Variants in ACBD6 observed in about 807,000 individuals in gnomAD.
ACBD6 encodes the protein acyl-CoA-binding domain-containing protein 6.
ACBD6 carries 28 observed loss-of-function variants against 37.2 expected under a neutral mutation model. That is an observed-to-expected ratio of 0.75 (90% CI 0.56 to 1.03). The LOEUF (loss-of-function observed/expected upper bound fraction) is 1.03. Among genes scored for constraint, ACBD6 ranks in the 50% least tolerant of loss-of-function variants. ACBD6 has a pLI of 0.00. For synonymous variants in ACBD6, 113 were observed against 126.8 expected (o/e 0.89, Z 0.73); for missense variants, 340 against 337.4 (o/e 1.01, Z -0.06).
In ACBD6 at chr1:180,482,056, T is replaced by C. The variant is rs10914009; in HGVS notation, c.384+10213A>G. Reference sequence around the variant, plus strand: ...TAGAGAACCTCAATTTAATACCTTATAGTCAACAAAAATTAGATATGAATA... The same window carrying C: ...TAGAGAACCTCAATTTAATACCTTACAGTCAACAAAAATTAGATATGAATA... On this transcript the variant is annotated intron_variant, in intron 3 of 7. Transcript: ENST00000367595. 7.4e-3 allele frequency among the ~76,000 whole-genome samples: 1,131 copies of C among 152,230 alleles called. 14 individuals carry two copies. Among genetic ancestry groups the C allele is most frequent in the African/African-American group, 0.026 (1,080 of 41,522 alleles).
chr1:180,454,176 G>T (rs1469190913), intron 3 of ACBD6, among the ~76,000 whole-genome samples: 1 of 152,108 alleles, frequency 6.6e-6, no homozygotes, highest in African/African-American at 2.4e-5. Flanking sequence ...CCAAAACAGA[G>T]AGACAGACCA....
intron 3 of ACBD6, among the ~76,000 whole-genome samples, chr1:180,478,512 G>A (rs925937063): frequency 5.4e-5 from 8 of 147,380 alleles, no homozygotes; most frequent in African/African-American, 2.5e-5. Flanking sequence ...TTTTTGAGAC[G>A]GAGTCATGCT....
intron 6 of ACBD6, among the ~76,000 whole-genome samples, chr1:180,384,368 G>A (rs1653769059): frequency 1.3e-5 from 2 of 152,016 alleles, no homozygotes; most frequent in African/African-American, 4.8e-5. Context: ...TTTCTCAAAA[G>A]TAGACAAACA....
downstream of ACBD6, among the ~76,000 whole-genome samples, chr1:180,285,733 G>A (rs914863725): frequency 3.3e-5 from 5 of 152,018 alleles, no homozygotes; most frequent in African/African-American, 1.2e-4. Flanking sequence ...AGTTAAATCT[G>A]GCAGGAAGCT....
At position 180,331,852 on chromosome 1, in the gene ACBD6, G is replaced by C. The variant is rs146174981; in HGVS notation, c.664-17130C>G. 7.8e-3 allele frequency among the ~76,000 whole-genome samples: 1,192 copies of C among 152,188 alleles called. 18 individuals carry two copies. The highest frequency in any genetic ancestry group is 0.027 in the African/African-American group (1,103 of 41,506). ...ACCCAGCTGCTCAAGTCAAGAATTT[G>C]GGCTCCATCCTTGAATTCTACTTTC... On this transcript the variant is annotated intron_variant, in intron 6 of 7. Coordinates refer to ENST00000367595, the MANE Select transcript of ACBD6 (RefSeq NM_032360.4).
At chr1:180,397,706 T>G in intron 5 of ACBD6, 101 bp from the exon 6 acceptor site, 3 of 993,178 alleles carry the variant, frequency 3.0e-6, no homozygotes, top group Non-Finnish European at 4.8e-6. Flanking sequence ...AAATTATGGG[T>G]TAATTATTCT....
At chr1:180,401,112 A>C (rs1257428848) in intron 5 of ACBD6, among the ~76,000 whole-genome samples, 14 of 152,212 alleles carry the variant, frequency 9.2e-5, no homozygotes. Flanking sequence ...AGAAGTATTC[A>C]GGAGATTGGT....
intron 3 of ACBD6, among the ~76,000 whole-genome samples, chr1:180,471,991 C>T (rs527470566): frequency 6.6e-6 from 1 of 152,312 alleles, no homozygotes; most frequent in South Asian, 2.1e-4. Flanking sequence ...CCCACACATG[C>T]ATGCAGATAT....
chr1:180,414,689 T>G (rs1171868651), intron 4 of ACBD6, among the ~76,000 whole-genome samples: 8 of 152,162 alleles, frequency 5.3e-5, no homozygotes, highest in Non-Finnish European at 1.0e-4. Flanking sequence ...AAAAGCTGGA[T>G]CCTTAAAAAG....
At chr1:180,336,091 TAGAC>T (rs1462466198) in intron 6 of ACBD6, among the ~76,000 whole-genome samples, 16 of 150,490 alleles carry the variant, frequency 1.1e-4, no homozygotes, top group Non-Finnish European at 1.9e-4. Flanking sequence ...CTGTCAACAT[TAGAC>T]AGATCAATGA....
At chr1:180,357,666 A>G (rs953185526) in intron 6 of ACBD6, among the ~76,000 whole-genome samples, 1 of 152,220 alleles carries the variant, frequency 6.6e-6, no homozygotes, top group Non-Finnish European at 1.5e-5. Context: ...TATCACCAGC[A>G]CACATCAAGA....
chr1:180,322,780 AT>A (rs748587840), intron 6 of ACBD6, among the ~76,000 whole-genome samples: 21 of 147,094 alleles, frequency 1.4e-4, no homozygotes, highest in Non-Finnish European at 3.0e-4. Context: ...GGTCAATTTT[AT>A]TTGTCTTTTC....
At chr1:180,392,562 T>A (rs1406218522) in intron 6 of ACBD6, among the ~76,000 whole-genome samples, 2 of 152,136 alleles carry the variant, frequency 1.3e-5, no homozygotes, top group East Asian at 3.9e-4. Flanking sequence ...AGGCTCCTGC[T>A]TCTTCACCAG....
intron 6 of ACBD6, among the ~76,000 whole-genome samples, chr1:180,341,345 T>A (rs1025857789): frequency 6.6e-6 from 1 of 152,136 alleles, no homozygotes; most frequent in Non-Finnish European, 1.5e-5. Flanking sequence ...AATAATAAAG[T>A]AGGTTATAAA....
At chr1:180,455,522 T>TA (rs1048868715) in intron 3 of ACBD6, among the ~76,000 whole-genome samples, 27 of 150,762 alleles carry the variant, frequency 1.8e-4, no homozygotes, top group African/African-American at 3.2e-4. Flanking sequence ...AAGTATAATT[T>TA]AAAAAAAAAG....
chr1:180,282,052 T>A (rs1191411648), intron 8 of ACBD6, among the ~76,000 whole-genome samples: 1 of 152,194 alleles, frequency 6.6e-6, no homozygotes, highest in Non-Finnish European at 1.5e-5. Flanking sequence ...TTCTTTTTGG[T>A]GATTTTTCCT....
intron 2 of ACBD6, 41 bp downstream of exon 2, chr1:180,495,420 C>T: frequency 7.0e-7 from 1 of 1,430,662 alleles, no homozygotes; most frequent in Non-Finnish European, 9.7e-7. Flanking sequence ...ACACCTAAGC[C>T]ATTTCCAACA....
intron 6 of ACBD6, among the ~76,000 whole-genome samples, chr1:180,346,389 A>C (rs1652182296): frequency 6.6e-6 from 1 of 152,192 alleles, no homozygotes; most frequent in Non-Finnish European, 1.5e-5. Context: ...AGTAAGCCCC[A>C]ATGACCCAGG....
chr1:180,496,828 T>C (rs1651759617), intron 1 of ACBD6, among the ~76,000 whole-genome samples: 3 of 152,122 alleles, frequency 2.0e-5, no homozygotes, highest in African/African-American at 7.2e-5. Flanking sequence ...ACAATCACGA[T>C]AGACCAAACA....
Sources: gnomAD v4.1 joint callset for allele counts (sites outside exome capture counted in the v4.1 genomes callset) on GRCh38, gnomAD v4.1.1 for gene constraint, MANE v1.5 for transcripts, NCBI Gene and HGNC (gene_info 2026-07-23, HGNC 2026-07-21) for gene names.